Variants in PCDH15 observed in about 807,000 individuals in gnomAD.
PCDH15 encodes the protein protocadherin-15.
PCDH15 carries 129 observed loss-of-function variants against 178.5 expected under a neutral mutation model. The observed-to-expected ratio is 0.72, with a 90% CI of 0.63 to 0.84. The LOEUF is 0.84. Among genes scored for constraint, PCDH15 ranks in the 40% least tolerant of loss-of-function variants. The pLI is 0.00. For synonymous variants in PCDH15, 800 were observed against 732.0 expected (o/e 1.09, Z -1.50); for missense variants, 2,230 against 2,099.9 (o/e 1.06, Z -1.21).
chr10:54,738,904 A>C (rs530731362), intron 1 of PCDH15, among the ~76,000 whole-genome samples: 3 of 152,200 alleles, frequency 2.0e-5, no homozygotes, highest in East Asian at 3.9e-4. Flanking sequence ...GTATAAAAGA[A>C]GTATACCTCA....
chr10:54,241,180 A>G (rs892935707), intron 8 of PCDH15, among the ~76,000 whole-genome samples: 2 of 152,144 alleles, frequency 1.3e-5, no homozygotes, highest in Non-Finnish European at 2.9e-5. Context: ...CAAAAAGGAG[A>G]TTGATTCAGT....
intron 2 of PCDH15, among the ~76,000 whole-genome samples, chr10:55,082,352 A>C (rs774556025): frequency 7.2e-4 from 109 of 152,116 alleles, no homozygotes; most frequent in Non-Finnish European, 1.5e-3. Flanking sequence ...AGAAAATTAA[A>C]GTTTCTACAA....
chr10:54,378,715 A>G, intron 4 of PCDH15, 67 bp downstream of exon 4: 1 of 1,507,978 alleles, frequency 6.6e-7, no homozygotes. Context: ...TATCATATAA[A>G]CACACACATA....
intron 23 of PCDH15, among the ~76,000 whole-genome samples, chr10:53,946,883 T>G (rs2086619591): frequency 6.6e-6 from 1 of 152,128 alleles, no homozygotes; most frequent in Non-Finnish European, 1.5e-5. Flanking sequence ...GTTCAAGCAA[T>G]TCTCTGCCTC....
chr10:55,625,050 G>A (rs1181537789), intron 2 of PCDH15, among the ~76,000 whole-genome samples: 2 of 152,112 alleles, frequency 1.3e-5, no homozygotes, highest in Non-Finnish European at 2.9e-5. Context: ...AATTTAAAAA[G>A]TTTTTCTCTC....
At chr10:55,390,491 T>C (rs1837766208) in intron 2 of PCDH15, among the ~76,000 whole-genome samples, 1 of 152,182 alleles carries the variant, frequency 6.6e-6, no homozygotes, top group African/African-American at 2.4e-5. Context: ...TGAACTTCTT[T>C]CAAAATTGGA....
chr10:54,762,502 A>G (rs1948011672), intron 1 of PCDH15, among the ~76,000 whole-genome samples: 1 of 152,166 alleles, frequency 6.6e-6, no homozygotes, highest in Admixed American at 6.5e-5. Context: ...CATTCAGTAA[A>G]ACCAAATGAA....
At chr10:53,997,791 A>G (rs2091925733) in intron 20 of PCDH15, among the ~76,000 whole-genome samples, 1 of 152,202 alleles carries the variant, frequency 6.6e-6, no homozygotes, top group Non-Finnish European at 1.5e-5. Context: ...GCCTATGAAA[A>G]GATTGGTTCT....
intron 28 of PCDH15, among the ~76,000 whole-genome samples, chr10:53,852,410 A>C (rs75063033): frequency 0.039 from 5,908 of 152,214 alleles, 364 homozygotes; most frequent in African/African-American, 0.13. Flanking sequence ...AATTTGTTGA[A>C]TATATTAATC....
chr10:54,646,883 T>C (rs2135105350), intron 2 of PCDH15, among the ~76,000 whole-genome samples: 1 of 152,092 alleles, frequency 6.6e-6, no homozygotes, highest in African/African-American at 2.4e-5. Context: ...CTCCTATACA[T>C]GATGGGAATA....
rs1029878649 is a variant in PCDH15 at position 54,728,487 on chromosome 10, G to A, written c.-28-64197C>T. ...ACTGACCCACAGAGAACATCATACT[G>A]AATCGGCACATGCTGGAAGAATTCT... On this transcript the variant is annotated intron_variant, in intron 1 of 37. Transcript: ENST00000644397. Among the ~76,000 whole-genome samples, 11 of 151,338 alleles carry A rather than the reference G, an allele frequency of 7.3e-5. No individual in the cohort carries two copies. The East Asian group carries it at 2.1e-3, about 29-fold the overall frequency.
At chr10:54,879,055 A>T (rs934277499) in intron 3 of PCDH15, among the ~76,000 whole-genome samples, 2 of 152,184 alleles carry the variant, frequency 1.3e-5, no homozygotes, top group African/African-American at 4.8e-5. Context: ...AAGTAAAATT[A>T]AAAAATGTTA....
intron 3 of PCDH15, among the ~76,000 whole-genome samples, chr10:54,838,196 T>C (rs1953352811): frequency 6.6e-6 from 1 of 152,030 alleles, no homozygotes; most frequent in South Asian, 2.1e-4. Context: ...CCTAGTGATA[T>C]GGTTTGACTC....
At chr10:54,381,456 C>T (rs932957059) in intron 3 of PCDH15, among the ~76,000 whole-genome samples, 1 of 152,148 alleles carries the variant, frequency 6.6e-6, no homozygotes, top group Non-Finnish European at 1.5e-5. Flanking sequence ...TCCTTCGTTA[C>T]TTTGCAAGCT....
At chr10:55,263,302 T>C (rs1842195445) in intron 1 of PCDH15, among the ~76,000 whole-genome samples, 1 of 152,210 alleles carries the variant, frequency 6.6e-6, no homozygotes, top group Non-Finnish European at 1.5e-5. Context: ...CTTTACAATG[T>C]TAAGGGATTT....
At chr10:55,600,663 G>A (rs892295289) in intron 2 of PCDH15, among the ~76,000 whole-genome samples, 10 of 152,144 alleles carry the variant, frequency 6.6e-5, no homozygotes, top group African/African-American at 2.4e-4. Context: ...AATCCAGGTT[G>A]GTTTCTATCT....
intron 1 of PCDH15, among the ~76,000 whole-genome samples, chr10:54,755,812 T>G (rs1775844195): frequency 6.6e-6 from 1 of 152,136 alleles, no homozygotes; most frequent in Admixed American, 6.6e-5. Flanking sequence ...CAGCACTTTT[T>G]TCATTGGGTT....
intron 6 of PCDH15, among the ~76,000 whole-genome samples, chr10:54,345,181 G>C (rs764953483): frequency 3.3e-5 from 5 of 151,760 alleles, no homozygotes; most frequent in Non-Finnish European, 4.4e-5. Context: ...TAACTGATTT[G>C]TGAGGATAAA....
chr10:55,136,753 T>C (rs1160095519), intron 2 of PCDH15, among the ~76,000 whole-genome samples: 1 of 152,100 alleles, frequency 6.6e-6, no homozygotes, highest in African/African-American at 2.4e-5. Context: ...TTGAAAGAAA[T>C]ATAATACAAT....
Sources: allele counts gnomAD v4.1 joint callset (sites outside exome capture counted in the v4.1 genomes callset), GRCh38; gene constraint gnomAD v4.1.1; transcripts MANE v1.5; gene names NCBI Gene and HGNC (gene_info 2026-07-23, HGNC 2026-07-21).